Variants in METTL25B observed in about 807,000 individuals in gnomAD.
METTL25B encodes the protein methyltransferase-like protein 25B.
METTL25B carries 38 observed loss-of-function variants against 48.4 expected under a neutral mutation model. The ratio of observed to expected loss-of-function variants is 0.78; its 90% confidence interval spans 0.61 to 1.03. The LOEUF is 1.03. Among genes scored for constraint, METTL25B ranks in the 50% least tolerant of loss-of-function variants. The pLI, the probability that METTL25B is intolerant of heterozygous loss-of-function variation, is 0.00. For missense variants in METTL25B, 537 were observed against 603.7 expected, an observed-to-expected ratio of 0.89 and a Z score of 1.16; for synonymous variants, 230 against 254.5, an observed-to-expected ratio of 0.90 and a Z score of 0.92.
chr1:156,731,105 G>A (rs886391884), intron 1 of METTL25B, among the ~76,000 whole-genome samples: 4 of 152,136 alleles, frequency 2.6e-5, no homozygotes, highest in African/African-American at 7.2e-5. Context: ...TATGACATAT[G>A]ATGTTGTCTG....
intron 6 of METTL25B, among the ~76,000 whole-genome samples, chr1:156,735,059 C>A (rs1422469344): frequency 2.0e-5 from 3 of 151,634 alleles, no homozygotes; most frequent in African/African-American, 7.3e-5. Flanking sequence ...GAGGCTGATA[C>A]GGGCCGATCA....
chr1:156,731,866 A>T, intron 1 of METTL25B, 125 bp from the exon 2 acceptor site: 1 of 1,236,772 alleles, frequency 8.1e-7, no homozygotes, highest in Non-Finnish European at 1.2e-6. Context: ...TGCCAGTTAC[A>T]GGCAGTGGCC....
chr1:156,734,244 G>C lies in METTL25B; in HGVS notation c.872G>C (p.Ser291Thr), dbSNP rs1472704814. 2 of 1,614,208 alleles carry C rather than the reference G, an allele frequency of 1.2e-6. No individual in the cohort carries two copies. The highest frequency in any genetic ancestry group is 2.2e-5 in the East Asian group (1 of 44,888). Reference sequence around the variant, plus strand: ...GTGGGCTGCTGCTACATGAAGCTGAGTGACCCTGGCGGCTACCCACTGAGT... The same window carrying C: ...GTGGGCTGCTGCTACATGAAGCTGACTGACCCTGGCGGCTACCCACTGAGT... The part of the protein sequence containing the change: ...ASVGCCYMKL[S>T]DPGGYPLSQW... The change falls in exon 6 of 8, where the codon AGT becomes ACT. Residue 291 changes from serine (S) to threonine (T), a missense_variant. Physicochemically the swap from Ser to Thr is moderately conservative, Grantham distance 58. Coordinates refer to ENST00000368216, the MANE Select transcript of METTL25B (RefSeq NM_015997.4).
chr1:156,729,785 CTAG>C (rs1035273464), intron 1 of METTL25B, among the ~76,000 whole-genome samples: 1 of 152,206 alleles, frequency 6.6e-6, no homozygotes, highest in Non-Finnish European at 1.5e-5. Context: ...CCAACTTGTC[CTAG>C]TCCGGGTTTC....
At position 156,728,852 on chromosome 1, in the gene METTL25B, AC is replaced by A; in HGVS notation, c.-249del. The A allele has an allele frequency of 1.4e-6, 1 of 700,230 alleles. No individual in the cohort carries two copies. Among genetic ancestry groups the A allele is most frequent in the Non-Finnish European group, 2.1e-6 (1 of 486,352 alleles). The allele number at this position is 700,230 out of a possible 1,614,324, so 43.4% of individuals were successfully genotyped here. A position where few individuals can be genotyped will look rare whatever the true frequency, so the allele number is the denominator to read the frequency against. ...GCTTTTGTGGCGTCACTGCACTGTT[AC>A]CCCGCCCTACGTGTCTCTGACGCTG... On this transcript the variant is annotated 5_prime_UTR_variant, in exon 1 of 8. The change abolishes the stop of an existing upstream ORF in the 5' untranslated region. Transcript: ENST00000368216.
intron 1 of METTL25B, among the ~76,000 whole-genome samples, chr1:156,730,434 C>T (rs1649177381): frequency 6.6e-6 from 1 of 152,086 alleles, no homozygotes; most frequent in Admixed American, 6.6e-5. Context: ...GTTTCAAATC[C>T]CAGCTCAGGC....
chr1:156,734,423 C>A lies in METTL25B; in HGVS notation c.1051C>A (p.Arg351=). 6.2e-7 allele frequency: 1 copy of A among 1,609,680 alleles called. No homozygotes were observed. Among genetic ancestry groups the A allele is most frequent in the Non-Finnish European group, 8.5e-7 (1 of 1,178,114 alleles). ...TGCAGCACTGGAGACAGTCATCCGACGGGCCCGGCCCGAGCTCCGTCGGCC... is the reference window on the plus strand; with the variant it reads ...TGCAGCACTGGAGACAGTCATCCGAAGGGCCCGGCCCGAGCTCCGTCGGCC... ...YRAALETVIR[R]ARPELRRPGV... Residue 351 remains arginine, a synonymous_variant, in exon 6 of 8, where the codon CGG becomes AGG. Coordinates refer to ENST00000368216, the MANE Select transcript of METTL25B (RefSeq NM_015997.4).
Position 156,735,814 on chromosome 1 carries a change from A to T in METTL25B, c.1211A>T (p.Asn404Ile), listed in dbSNP as rs1355988404. 2.5e-6 allele frequency: 4 copies of T among 1,612,772 alleles called. No homozygotes were observed. ...CTTCAGGCCCACGTGGCCCAGGAGA[A>T]CCGTGTGGTGGCCTTCTTCAGCCTG... is the stretch of plus-strand genomic sequence containing the variant. Reference protein sequence around the residue: ...AALQAHVAQENRVVAFFSLAL... With the variant: ...AALQAHVAQEIRVVAFFSLAL... Residue 404 changes from asparagine to isoleucine, a missense_variant, in exon 7 of 8, where the codon AAC becomes ATC. Physicochemically the swap from Asn to Ile is moderately radical, Grantham distance 149 (BLOSUM62 -3). Transcript: ENST00000368216.
At chr1:156,731,526 G>A (rs570212561) in intron 1 of METTL25B, among the ~76,000 whole-genome samples, 6 of 152,246 alleles carry the variant, frequency 3.9e-5, no homozygotes, top group South Asian at 2.1e-4. Flanking sequence ...ATGTATAACC[G>A]AAACACAGCC....
Position 156,736,884 on chromosome 1 carries a change from T to C in METTL25B, c.*131T>C. The stretch of plus-strand genomic sequence containing the variant: ...TCCTGGTTCCTTCAGTTTCATCCCC[T>C]TTCTCTCCTTCCATGGATTATGTAA... On this transcript the variant is annotated 3_prime_UTR_variant, in exon 8 of 8. Coordinates refer to ENST00000368216, the MANE Select transcript of METTL25B (RefSeq NM_015997.4). The C allele has an allele frequency of 1.2e-6, 1 of 807,910 alleles. No individual in the cohort carries two copies. The highest frequency in any genetic ancestry group is 2.9e-5 in the Admixed American group (1 of 34,716). 50.0% of individuals were successfully genotyped at this position (807,910 alleles called of 1,614,324 possible).
Position 156,734,274 on chromosome 1 carries a change from G to GCT in METTL25B, c.902_903insCT (p.Trp301CysfsTer86), listed in dbSNP as rs1444599160. 6 of 1,614,068 alleles carry GCT rather than the reference G, an allele frequency of 3.7e-6. No homozygotes were observed. The African/African-American group carries it at 8.0e-5, about 22-fold the overall frequency. ...CCTGGCGGCTACCCACTGAGTCAGTGGGTGGCTGGGCTGCCTGGCTATGAA... is the reference window on the plus strand; with the variant it reads ...CCTGGCGGCTACCCACTGAGTCAGTGCTGGTGGCTGGGCTGCCTGGCTATGAA... On this transcript the variant is annotated frameshift_variant, in exon 6 of 8. Coordinates refer to ENST00000368216, the MANE Select transcript of METTL25B (RefSeq NM_015997.4). LOFTEE classifies it high-confidence loss of function.
intron 7 of METTL25B, 98 bp from the exon 8 acceptor site, chr1:156,736,534 C>T: frequency 1.4e-6 from 2 of 1,451,700 alleles, no homozygotes; most frequent in Non-Finnish European, 1.9e-6. Context: ...GCTGGATCCT[C>T]CCCCATGGGG....
rs1649863614 is a variant in METTL25B, at chr1:156,736,906, G to A, written c.*153G>A. 1 of 668,514 alleles carries A rather than the reference G, an allele frequency of 1.5e-6. No individual in the cohort carries two copies. Among genetic ancestry groups the A allele is most frequent in the East Asian group, 2.8e-5 (1 of 35,778 alleles). The allele number at this position is 668,514 out of a possible 1,614,324, so 41.4% of individuals were successfully genotyped here. On this transcript the variant is annotated 3_prime_UTR_variant, in exon 8 of 8. Coordinates refer to ENST00000368216, the MANE Select transcript of METTL25B (RefSeq NM_015997.4). Reference sequence around the variant, plus strand: ...CCCTTTCTCTCCTTCCATGGATTATGTAATACATTGTAAAGTTTTAATTAA... The same window carrying A: ...CCCTTTCTCTCCTTCCATGGATTATATAATACATTGTAAAGTTTTAATTAA...
At chr1:156,729,386 G>T in intron 1 of METTL25B, 171 bp downstream of exon 1, 1 of 494,472 alleles carries the variant, frequency 2.0e-6, no homozygotes, top group Non-Finnish European at 3.6e-6. Context: ...TTTTTTTTCA[G>T]CTGACATAAA....
At position 156,734,310 on chromosome 1, in the gene METTL25B, G is replaced by T. The variant is rs781406852; in HGVS notation, c.938G>T (p.Arg313Leu). 6.2e-7 allele frequency: 1 copy of T among 1,614,088 alleles called. No homozygotes were observed. Among genetic ancestry groups the T allele is most frequent in the Non-Finnish European group, 8.5e-7 (1 of 1,179,998 alleles). Residue 313 changes from arginine to leucine, a missense_variant, in exon 6 of 8, where the codon CGG becomes CTG. Arg to Leu is a moderately radical substitution (Grantham distance 102, BLOSUM62 -2). Transcript: ENST00000368216. ...AGLPGYELPYRLREGACHALE... is the reference protein window; with the variant it reads ...AGLPGYELPYLLREGACHALE... ...CTGCCTGGCTATGAACTGCCCTACC[G>T]GCTTCGGGAGGGGGCCTGCCATGCC...
chr1:156,732,785 G>C (rs1210033770), intron 3 of METTL25B, among the ~76,000 whole-genome samples, 200 bp from the exon 4 acceptor site: 3 of 151,924 alleles, frequency 2.0e-5, no homozygotes, highest in African/African-American at 7.3e-5. Flanking sequence ...CAAGGAGAGT[G>C]GGCCTGAACC....
In METTL25B at chr1:156,732,099, G is replaced by A; in HGVS notation, c.220G>A (p.Glu74Lys). Residue 74 changes from glutamate to lysine, a missense_variant, in exon 2 of 8, where the codon GAA becomes AAA. By Grantham distance (56) the Glu-to-Lys change is moderately conservative. Transcript: ENST00000368216. ...CACAATGCTGCTGGGGATGCCTGGG[G>A]AAGGGGAGGTCGTCAGGTATGGGCT... The part of the protein sequence containing the change: ...LATMLLGMPG[E>K]GEVVRYRSVW... The A allele has an allele frequency of 6.2e-7, 1 of 1,614,224 alleles. No individual in the cohort carries two copies. Among genetic ancestry groups the A allele is most frequent in the South Asian group, 1.1e-5 (1 of 91,078 alleles).
rs759724471 is a variant in METTL25B at position 156,734,513 on chromosome 1, G to A, written c.1121+20G>A. 4.9e-5 allele frequency: 75 copies of A among 1,528,266 alleles called. No individual in the cohort carries two copies. Among genetic ancestry groups the A allele is most frequent in the Non-Finnish European group, 6.3e-5 (72 of 1,139,934 alleles). 94.7% of individuals were successfully genotyped at this position (1,528,266 alleles called of 1,614,324 possible). A position where few individuals can be genotyped will look rare whatever the true frequency, so the allele number is the denominator to read the frequency against. On this transcript the variant is annotated intron_variant, in intron 6 of 7. Coordinates refer to ENST00000368216, the MANE Select transcript of METTL25B (RefSeq NM_015997.4). ...TGAAGAGTGAGGTTGGGGGACGGGT[G>A]GGGGGCAGTGGAGAGGAGATTTCTT...
intron 2 of METTL25B, 38 bp downstream of exon 2, chr1:156,732,153 G>A (rs750617168): frequency 1.4e-5 from 22 of 1,613,820 alleles, no homozygotes; most frequent in Non-Finnish European, 1.7e-5. Flanking sequence ...GGAACTCAAG[G>A]CTTTAAGCCC....
Sources: gnomAD v4.1 joint callset for allele counts (sites outside exome capture counted in the v4.1 genomes callset) on GRCh38, gnomAD v4.1.1 for gene constraint, MANE v1.5 for transcripts, NCBI Gene and HGNC (gene_info 2026-07-23, HGNC 2026-07-21) for gene names.